Variants in KALRN observed in about 807,000 individuals in gnomAD.
KALRN encodes the protein kalirin.
Under a neutral mutation model 353.7 loss-of-function variants are expected in KALRN, and 70 were observed. The ratio of observed to expected loss-of-function variants is 0.20; its 90% confidence interval spans 0.16 to 0.24. The LOEUF is 0.24. Ranked by LOEUF, KALRN falls within the 10% of genes least tolerant of loss-of-function variation. The pLI, the probability that KALRN is intolerant of heterozygous loss-of-function variation, is 1.00. For missense variants in KALRN, 2,791 were observed against 3,756.7 expected (o/e 0.74, Z 6.72); for synonymous variants, 1,391 against 1,434.8 (o/e 0.97, Z 0.69).
chr3:124,707,439 T>TTCCTTCCTTCCTTCCC (rs1553741263), intron 57 of KALRN, among the ~76,000 whole-genome samples: 7 of 146,072 alleles, frequency 4.8e-5, no homozygotes, highest in Non-Finnish European at 3.0e-5. Context: ...CCTTCCTTCC[T>TTCCTTCCTTCCTTCCC]TCCTTCCCTC....
At chr3:124,174,044 A>G (rs762208983) in intron 1 of KALRN, among the ~76,000 whole-genome samples, 1 of 152,220 alleles carries the variant, frequency 6.6e-6, no homozygotes, top group Admixed American at 6.5e-5. Context: ...TGTTATTGTT[A>G]CCATGACATA....
At chr3:124,624,594 C>A (rs959084119) in intron 34 of KALRN, among the ~76,000 whole-genome samples, 11 of 152,154 alleles carry the variant, frequency 7.2e-5, no homozygotes, top group African/African-American at 2.7e-4. Context: ...CTTATTCTAA[C>A]CCCCAAGATG....
intron 1 of KALRN, among the ~76,000 whole-genome samples, chr3:124,227,679 T>A (rs796820326): frequency 1.7e-4 from 5 of 29,478 alleles, no homozygotes; most frequent in African/African-American, 4.4e-4. Context: ...TTTTTTTTTT[T>A]TTTTTTTTTT....
chr3:124,572,197 A>G (rs950385179), intron 34 of KALRN, among the ~76,000 whole-genome samples: 12 of 151,406 alleles, frequency 7.9e-5, no homozygotes, highest in Non-Finnish European at 1.8e-4. Context: ...GGTGGCATGC[A>G]CCTGTGGTCC....
chr3:124,231,885 A>G (rs1005389531), intron 2 of KALRN, among the ~76,000 whole-genome samples: 14 of 152,148 alleles, frequency 9.2e-5, no homozygotes, highest in African/African-American at 3.1e-4. Context: ...TTCAGCATCT[A>G]TGTCAATTAT....
chr3:124,549,402 CAA>C (rs1326751792), intron 33 of KALRN, among the ~76,000 whole-genome samples: 10 of 151,588 alleles, frequency 6.6e-5, no homozygotes, highest in African/African-American at 2.4e-4. Flanking sequence ...CACACACACA[CAA>C]AATCTCACAC....
intron 1 of KALRN, among the ~76,000 whole-genome samples, chr3:124,053,526 AG>A (rs1000714667): frequency 3.3e-5 from 5 of 152,204 alleles, no homozygotes; most frequent in African/African-American, 1.2e-4. Flanking sequence ...ACAGGAGTAT[AG>A]GAACACTTCA....
At chr3:124,662,020 T>C in intron 45 of KALRN, 92 bp downstream of exon 45, 1 of 987,224 alleles carries the variant, frequency 1.0e-6, no homozygotes, top group African/African-American at 1.6e-5. Flanking sequence ...CCTTGTGTCC[T>C]GCCTGTGCCT....
At chr3:124,485,843 G>T (rs2108315636) in intron 28 of KALRN, among the ~76,000 whole-genome samples, 1 of 152,288 alleles carries the variant, frequency 6.6e-6, no homozygotes, top group Admixed American at 6.5e-5. Flanking sequence ...TTGCACCACT[G>T]CACTCCAGCC....
chr3:124,639,188 C>T (rs1340506593), intron 37 of KALRN, among the ~76,000 whole-genome samples: 1 of 152,130 alleles, frequency 6.6e-6, no homozygotes, highest in Non-Finnish European at 1.5e-5. Context: ...AATGTTCTCC[C>T]TCTTATGTTT....
rs768540751 is a variant in KALRN, at chr3:124,632,474, A to G, written c.5237A>G (p.Asn1746Ser). ...GGAGGCAAGTCCGAGTCCGTGGCCA[A>G]CCTGCAGGCCCAGCCCTCCCTGAAC... is the stretch of plus-strand genomic sequence containing the variant. ...ENGGKSESVA[N>S]LQAQPSLNSI... The change falls in exon 35 of 60, where the codon AAC becomes AGC. Residue 1746 changes from asparagine to serine, a missense_variant. Asn to Ser is a conservative substitution (Grantham distance 46). Transcript: ENST00000682506. 1 of 1,613,960 alleles carries G rather than the reference A, an allele frequency of 6.2e-7. No individual in the cohort carries two copies. The highest frequency in any genetic ancestry group is 8.5e-7 in the Non-Finnish European group (1 of 1,179,956).
intron 1 of KALRN, among the ~76,000 whole-genome samples, chr3:124,179,936 AG>A (rs2073343269): frequency 6.6e-6 from 1 of 152,254 alleles, no homozygotes; most frequent in African/African-American, 2.4e-5. Context: ...ACTGTGGATA[AG>A]GGGGGACTAC....
chr3:124,551,877 TGAA>T (rs1338122619), intron 33 of KALRN, among the ~76,000 whole-genome samples: 1 of 152,158 alleles, frequency 6.6e-6, no homozygotes. Flanking sequence ...AGCTGGCTGG[TGAA>T]GAAGAATAAG....
chr3:124,239,735 G>GT (rs1332176385), intron 3 of KALRN, among the ~76,000 whole-genome samples: 2 of 152,192 alleles, frequency 1.3e-5, no homozygotes, highest in Admixed American at 1.3e-4. Context: ...AAGAAGAGGG[G>GT]TAAAAACTGC....
chr3:124,550,808 T>C (rs1349465920), intron 33 of KALRN, among the ~76,000 whole-genome samples: 2 of 151,958 alleles, frequency 1.3e-5, no homozygotes, highest in African/African-American at 4.8e-5. Context: ...GCTAACACGG[T>C]GAAACCCCGT....
At chr3:124,706,494 T>C (rs2062620997) in intron 57 of KALRN, among the ~76,000 whole-genome samples, 1 of 152,208 alleles carries the variant, frequency 6.6e-6, no homozygotes, top group African/African-American at 2.4e-5. Context: ...TGAGCAGTCT[T>C]GTCAAATCAC....
chr3:124,623,185 AT>A (rs2079485206), intron 34 of KALRN, among the ~76,000 whole-genome samples: 1 of 138,574 alleles, frequency 7.2e-6, no homozygotes, highest in Admixed American at 7.4e-5. Flanking sequence ...TCATTCTGCT[AT>A]GTTGCCCAGG....
At chr3:124,139,795 T>G (rs1395091744) in intron 1 of KALRN, among the ~76,000 whole-genome samples, 1 of 152,112 alleles carries the variant, frequency 6.6e-6, no homozygotes, top group Non-Finnish European at 1.5e-5. Context: ...ACTGGGTTGG[T>G]GCAGAATGAA....
At chr3:124,186,351 C>T (rs2074230890) in intron 1 of KALRN, among the ~76,000 whole-genome samples, 3 of 152,168 alleles carry the variant, frequency 2.0e-5, no homozygotes, top group Non-Finnish European at 4.4e-5. Flanking sequence ...TGTTATTTCC[C>T]TTCTCTGTTC....
Sources: allele counts gnomAD v4.1 joint callset (sites outside exome capture counted in the v4.1 genomes callset), GRCh38; gene constraint gnomAD v4.1.1; transcripts MANE v1.5; gene names NCBI Gene and HGNC (gene_info 2026-07-23, HGNC 2026-07-21).